ARL15: variants seen among roughly 807,000 people sequenced by gnomAD.
ARL15 encodes the protein ADP-ribosylation factor-like protein 15.
Under a neutral mutation model 25.2 loss-of-function variants are expected in ARL15, and 19 were observed. The observed-to-expected ratio is 0.75, with a 90% CI of 0.53 to 1.10. ARL15 has a LOEUF of 1.10. ARL15 is among the 50% of genes least tolerant of loss of function. The pLI is 0.00. For synonymous variants in ARL15, 94 were observed against 86.8 expected (o/e 1.08, Z -0.46); for missense variants, 220 against 246.0 (o/e 0.89, Z 0.71).
chr5:54,176,906 C>T (rs923511550), intron 1 of ARL15, among the ~76,000 whole-genome samples: 1 of 152,192 alleles, frequency 6.6e-6, no homozygotes, highest in Non-Finnish European at 1.5e-5. Context: ...ACCCAATATA[C>T]AGCCCAGACT....
At chr5:54,295,103 T>C (rs183222013) in intron 1 of ARL15, among the ~76,000 whole-genome samples, 43 of 152,394 alleles carry the variant, frequency 2.8e-4, no homozygotes, top group African/African-American at 9.9e-4. Context: ...TCATTATACT[T>C]GTGTTCTCTT....
intron 4 of ARL15, among the ~76,000 whole-genome samples, chr5:54,090,182 A>G (rs1459461855): frequency 6.6e-6 from 1 of 152,194 alleles, no homozygotes; most frequent in Non-Finnish European, 1.5e-5. Context: ...GTCCATCAAC[A>G]GTAGAATGAA....
intron 4 of ARL15, among the ~76,000 whole-genome samples, chr5:53,888,255 TTTTTG>T (rs756911080): frequency 3.3e-4 from 50 of 151,666 alleles, no homozygotes; most frequent in Non-Finnish European, 4.7e-4. Flanking sequence ...TGTTTTTCTT[TTTTTG>T]TTTTATTTAT....
At chr5:54,083,543 T>C (rs273220) in intron 4 of ARL15, among the ~76,000 whole-genome samples, 82,719 of 151,898 alleles carry the variant, frequency 0.54, 23,599 homozygotes, top group Non-Finnish European at 0.63. Context: ...GGGTCAAAAG[T>C]TTTTTCATGA....
intron 1 of ARL15, among the ~76,000 whole-genome samples, chr5:54,280,540 G>A (rs1016754655): frequency 3.3e-5 from 5 of 152,128 alleles, no homozygotes; most frequent in African/African-American, 7.2e-5. Flanking sequence ...AGTACCAGAC[G>A]TTGTGCAAGG....
intron 1 of ARL15, among the ~76,000 whole-genome samples, chr5:54,270,265 A>G (rs78729959): frequency 6.6e-6 from 1 of 152,084 alleles, no homozygotes. Flanking sequence ...CACTAACATC[A>G]TATTTTGAGT....
At chr5:53,923,367 A>C (rs10040674) in intron 4 of ARL15, among the ~76,000 whole-genome samples, 56,720 of 152,076 alleles carry the variant, frequency 0.37, 11,023 homozygotes, top group African/African-American at 0.43. Flanking sequence ...TTGCTTCAGA[A>C]GGGCAGGCTG....
rs111510098 is a variant in ARL15, at chr5:54,133,729, T to C, written c.254-20319A>G. On this transcript the variant is annotated intron_variant, in intron 3 of 4. Transcript: ENST00000504924. ...AGACTACACTACCAAAAATGATCAT[T>C]TACCCTAGACTGTAGAAAGGATTTC... is the stretch of plus-strand genomic sequence containing the variant. Among the ~76,000 whole-genome samples, 3 of 152,140 alleles carry C rather than the reference T, an allele frequency of 2.0e-5. No homozygotes were observed. In the South Asian group the frequency reaches 6.2e-4, roughly 32 times the overall value.
chr5:54,054,095 A>G (rs533356974), intron 4 of ARL15, among the ~76,000 whole-genome samples: 1 of 152,272 alleles, frequency 6.6e-6, no homozygotes, highest in South Asian at 2.1e-4. Context: ...GTACCACCCA[A>G]TCAGAAACTA....
chr5:54,206,243 T>C (rs1234654803), intron 1 of ARL15, among the ~76,000 whole-genome samples: 1 of 152,130 alleles, frequency 6.6e-6, no homozygotes, highest in Non-Finnish European at 1.5e-5. Context: ...TTGAAAAGGG[T>C]GCCAGTAGGA....
intron 3 of ARL15, among the ~76,000 whole-genome samples, chr5:54,141,979 A>C (rs1304930590): frequency 6.6e-6 from 1 of 152,206 alleles, no homozygotes; most frequent in Non-Finnish European, 1.5e-5. Context: ...AATTGATGAC[A>C]TTTGAGTTGT....
At chr5:53,906,226 A>C (rs1264369433) in intron 4 of ARL15, among the ~76,000 whole-genome samples, 1 of 152,184 alleles carries the variant, frequency 6.6e-6, no homozygotes, top group Non-Finnish European at 1.5e-5. Flanking sequence ...ATATGTAGTA[A>C]CCTACTTACA....
At chr5:54,020,405 G>A (rs1579706640) in intron 4 of ARL15, among the ~76,000 whole-genome samples, 1 of 152,276 alleles carries the variant, frequency 6.6e-6, no homozygotes, top group Admixed American at 6.5e-5. Context: ...CTGGTAAGGA[G>A]CCTGAACTCC....
At chr5:53,915,755 A>G (rs1745622035) in intron 4 of ARL15, among the ~76,000 whole-genome samples, 1 of 151,430 alleles carries the variant, frequency 6.6e-6, no homozygotes, top group Admixed American at 6.6e-5. Flanking sequence ...TTTCTTTAGA[A>G]TGATGTTGAT....
Position 54,007,804 on chromosome 5 carries a change from C to G in ARL15, c.462+105398G>C, listed in dbSNP as rs191025132. 5.7e-3 allele frequency among the ~76,000 whole-genome samples: 870 copies of G among 152,300 alleles called. 4 individuals carry two copies. Among genetic ancestry groups the G allele is most frequent in the Non-Finnish European group, 9.3e-3 (634 of 68,032 alleles). On this transcript the variant is annotated intron_variant, in intron 4 of 4. Transcript: ENST00000504924. ...CTTGAGCCAAAAGAAGATACATAAG[C>G]CTGAGTCCTCTATCACTTACATTCT...
chr5:54,077,199 T>C (rs156442), intron 4 of ARL15, among the ~76,000 whole-genome samples: 119,712 of 152,064 alleles, frequency 0.79, 47,360 homozygotes, highest in African/African-American at 0.8. Flanking sequence ...AAGGATGATA[T>C]CTTCTCAAAC....
intron 3 of ARL15, among the ~76,000 whole-genome samples, chr5:54,145,692 A>T (rs1475191605): frequency 6.6e-6 from 1 of 152,164 alleles, no homozygotes; most frequent in South Asian, 2.1e-4. Context: ...AGGGCCTGGC[A>T]TGGAGTTGGT....
intron 4 of ARL15, among the ~76,000 whole-genome samples, chr5:53,927,381 G>A (rs1412816397): frequency 6.6e-6 from 1 of 152,096 alleles, no homozygotes; most frequent in African/African-American, 2.4e-5. Flanking sequence ...AGACACACGT[G>A]CACCACCCTT....
chr5:54,222,139 T>C (rs1241208285), intron 1 of ARL15, among the ~76,000 whole-genome samples: 1 of 152,230 alleles, frequency 6.6e-6, no homozygotes, highest in African/African-American at 2.4e-5. Flanking sequence ...CAATGAATCT[T>C]GCATTTCTAA....
Sources: allele counts gnomAD v4.1 joint callset (sites outside exome capture counted in the v4.1 genomes callset), GRCh38; gene constraint gnomAD v4.1.1; transcripts MANE v1.5; gene names NCBI Gene and HGNC (gene_info 2026-07-23, HGNC 2026-07-21).